Variants in KIF26B observed in about 807,000 individuals in gnomAD.
The protein encoded by KIF26B is kinesin-like protein KIF26B.
In KIF26B, 63 loss-of-function variants were observed where a neutral mutation model predicts 151.2. The observed-to-expected ratio is 0.42, with a 90% CI of 0.34 to 0.51. The LOEUF is 0.51. KIF26B is among the 20% of genes least tolerant of loss of function. The probability of loss-of-function intolerance (pLI) is 0.07; values close to 1 mark genes in which losing one functional copy is unlikely to be tolerated. For missense variants in KIF26B, 2,813 were observed against 2,913.6 expected (o/e 0.97, Z 0.79); for synonymous variants, 1,357 against 1,262.1 (o/e 1.08, Z -1.59).
chr1:245,468,205 C>A (rs548880283), intron 4 of KIF26B, among the ~76,000 whole-genome samples: 1 of 152,320 alleles, frequency 6.6e-6, no homozygotes, highest in South Asian at 2.1e-4. Flanking sequence ...CTATTTTTAT[C>A]TTCCATAAGA....
At chr1:245,452,936 G>A (rs1440357907) in intron 4 of KIF26B, among the ~76,000 whole-genome samples, 1 of 151,900 alleles carries the variant, frequency 6.6e-6, no homozygotes, top group Non-Finnish European at 1.5e-5. Context: ...TTTAATTTTA[G>A]TGAAGTCCAG....
At chr1:245,299,637 C>T (rs569446830) in intron 2 of KIF26B, among the ~76,000 whole-genome samples, 4 of 152,234 alleles carry the variant, frequency 2.6e-5, no homozygotes, top group Admixed American at 6.5e-5. Context: ...CATGAGGAAA[C>T]GGAGGCTCAG....
Position 245,366,893 on chromosome 1 carries a change from G to A in KIF26B, c.525G>A (p.Lys175=), listed in dbSNP as rs765710605. ...TCCAGGTCCCCAACACCATCCGGAA[G>A]GCATGGAACGACCGGGACAACCGCT... ...DKLQVPNTIR[K]AWNDRDNRCD... The change falls in exon 3 of 15, where the codon AAG becomes AAA. Residue 175 remains lysine, a synonymous_variant. Coordinates refer to ENST00000407071, the MANE Select transcript of KIF26B (RefSeq NM_018012.4). 2 of 1,613,930 alleles carry A rather than the reference G, an allele frequency of 1.2e-6. No individual in the cohort carries two copies. Among genetic ancestry groups the A allele is most frequent in the African/African-American group, 1.3e-5 (1 of 74,952 alleles).
At chr1:245,655,068 G>A (rs749343623) in intron 10 of KIF26B, among the ~76,000 whole-genome samples, 5 of 152,178 alleles carry the variant, frequency 3.3e-5, no homozygotes, top group African/African-American at 1.2e-4. Flanking sequence ...TGGTGGAATC[G>A]CTGTGCTTTC....
At chr1:245,411,573 G>A (rs1417044088) in intron 3 of KIF26B, among the ~76,000 whole-genome samples, 1 of 152,162 alleles carries the variant, frequency 6.6e-6, no homozygotes, top group East Asian at 1.9e-4. Flanking sequence ...GAAGTGAGAG[G>A]CATGCATCTG....
intron 9 of KIF26B, among the ~76,000 whole-genome samples, chr1:245,623,122 T>C (rs1316707401): frequency 2.0e-5 from 3 of 150,868 alleles, no homozygotes; most frequent in African/African-American, 7.3e-5. Flanking sequence ...ATCATATAAC[T>C]TGATGTTTTA....
intron 5 of KIF26B, among the ~76,000 whole-genome samples, chr1:245,586,792 A>G (rs1302372489): frequency 1.2e-4 from 18 of 151,322 alleles, no homozygotes; most frequent in Admixed American, 1.2e-3. Context: ...AGGCTGAGGC[A>G]GGAGAATGGC....
In KIF26B at chr1:245,687,008, TC is replaced by T; in HGVS notation, c.4027del (p.Leu1343CysfsTer23). 6.2e-7 allele frequency: 1 copy of T among 1,613,478 alleles called. No individual in the cohort carries two copies. The highest frequency in any genetic ancestry group is 8.5e-7 in the Non-Finnish European group (1 of 1,179,828). On this transcript the variant is annotated frameshift_variant, in exon 12 of 15. Transcript: ENST00000407071. LOFTEE classifies it high-confidence loss of function. The surrounding 1 kb of genome is among the most constrained non-coding windows in gnomAD (Gnocchi z 4.9). Reference sequence around the variant, plus strand: ...AAGGCCAGCCCCGACAACTTGCTCATCCTGTCTGAGATGGGAGATGACTCTT... The same window carrying T: ...AAGGCCAGCCCCGACAACTTGCTCATCTGTCTGAGATGGGAGATGACTCTT... ...KPKASPDNLL[I>X]LSEMGDDSFN...
intron 2 of KIF26B, among the ~76,000 whole-genome samples, chr1:245,326,035 G>A (rs1300173851): frequency 6.6e-6 from 1 of 152,046 alleles, no homozygotes; most frequent in Non-Finnish European, 1.5e-5. Flanking sequence ...CAGTGGGCAG[G>A]GACTCAGAAC....
intron 2 of KIF26B, among the ~76,000 whole-genome samples, chr1:245,217,094 C>T (rs1034011321): frequency 1.3e-5 from 2 of 152,166 alleles, no homozygotes; most frequent in East Asian, 1.9e-4. Context: ...ACTGTCTCCT[C>T]ATCTGGGGAC....
intron 2 of KIF26B, among the ~76,000 whole-genome samples, chr1:245,240,724 C>A (rs931672863): frequency 1.3e-5 from 2 of 152,136 alleles, no homozygotes; most frequent in African/African-American, 4.8e-5. Context: ...ATCAGAAAAG[C>A]AACAATACAT....
At chr1:245,500,924 A>G (rs891875956) in intron 4 of KIF26B, among the ~76,000 whole-genome samples, 4 of 152,240 alleles carry the variant, frequency 2.6e-5, no homozygotes, top group African/African-American at 9.6e-5. Context: ...GAGCTGCCTA[A>G]AATGCCACCT....
chr1:245,397,100 T>C (rs183742531), intron 3 of KIF26B, among the ~76,000 whole-genome samples: 2 of 151,706 alleles, frequency 1.3e-5, no homozygotes, highest in Admixed American at 1.3e-4. Flanking sequence ...GCTGGGACTA[T>C]AGGCATGCGC....
chr1:245,422,469 G>A (rs1406303235), intron 4 of KIF26B, among the ~76,000 whole-genome samples: 1 of 152,156 alleles, frequency 6.6e-6, no homozygotes, highest in Non-Finnish European at 1.5e-5. Flanking sequence ...CTGTCAAGAG[G>A]CAGAACCAGG....
chr1:245,410,204 C>T (rs1674243230), intron 3 of KIF26B, among the ~76,000 whole-genome samples: 2 of 152,172 alleles, frequency 1.3e-5, no homozygotes, highest in Non-Finnish European at 2.9e-5. Flanking sequence ...CTCCTGTAGG[C>T]CTGGGGCATA....
intron 2 of KIF26B, among the ~76,000 whole-genome samples, chr1:245,289,071 T>C (rs942645036): frequency 2.6e-5 from 4 of 152,240 alleles, no homozygotes; most frequent in Admixed American, 1.3e-4. Flanking sequence ...GGTTGGTTTG[T>C]AGCCAATGGC....
Position 245,161,675 on chromosome 1 carries a change from C to T in KIF26B, c.465+4992C>T, listed in dbSNP as rs372057907. Among the ~76,000 whole-genome samples, 7 of 152,080 alleles carry T rather than the reference C, an allele frequency of 4.6e-5. No individual in the cohort carries two copies. The East Asian group carries it at 1.2e-3, about 25-fold the overall frequency. On this transcript the variant is annotated intron_variant, in intron 2 of 14. Transcript: ENST00000407071. ...TCTCATATATTAAAATGAAGATGAA[C>T]GTGATTTTTTCTTTTTTACCCTGGA... is the stretch of plus-strand genomic sequence containing the variant.
chr1:245,453,917 A>G (rs1659454756), intron 4 of KIF26B, among the ~76,000 whole-genome samples: 1 of 152,194 alleles, frequency 6.6e-6, no homozygotes, highest in Non-Finnish European at 1.5e-5. Context: ...AAATGGTATA[A>G]ATAAAAATTA....
intron 2 of KIF26B, among the ~76,000 whole-genome samples, chr1:245,326,768 T>A (rs980529574): frequency 2.0e-5 from 3 of 152,200 alleles, no homozygotes; most frequent in Non-Finnish European, 2.9e-5. Context: ...CTAAGAATCA[T>A]ACTCGGGATT....
Sources: allele counts gnomAD v4.1 joint callset (sites outside exome capture counted in the v4.1 genomes callset), GRCh38; gene constraint gnomAD v4.1.1; non-coding constraint Gnocchi (gnomAD v3.1); transcripts MANE v1.5; gene names NCBI Gene and HGNC (gene_info 2026-07-23, HGNC 2026-07-21).